Variants in UCMA observed in about 807,000 individuals in gnomAD.
UCMA encodes the protein upper zone of growth plate and cartilage matrix associated.
UCMA carries 21 observed loss-of-function variants against 21.8 expected under a neutral mutation model. That is an observed-to-expected ratio of 0.97 (90% CI 0.68 to 1.39). The LOEUF is 1.39. Among genes scored for constraint, UCMA ranks in the 40% most tolerant of loss-of-function variants. The pLI is 0.00. For missense variants in UCMA, 193 were observed against 178.9 expected, an observed-to-expected ratio of 1.08 and a Z score of -0.45; for synonymous variants, 76 against 67.9, an observed-to-expected ratio of 1.12 and a Z score of -0.58.
chr10:13,231,647 T>A (rs1834900443), intron 3 of UCMA, among the ~76,000 whole-genome samples: 1 of 152,198 alleles, frequency 6.6e-6, no homozygotes, highest in Non-Finnish European at 1.5e-5. Flanking sequence ...GTGTCACAAA[T>A]TAGAGCTTTG....
chr10:13,233,424 G>A, intron 3 of UCMA, 114 bp downstream of exon 3: 1 of 794,594 alleles, frequency 1.3e-6, no homozygotes, highest in South Asian at 1.6e-5. Context: ...CCTGGGGTGA[G>A]CCCTTCGTGC....
intron 4 of UCMA, 96 bp downstream of exon 4, chr10:13,229,515 A>C: frequency 1.0e-6 from 1 of 977,236 alleles, no homozygotes; most frequent in East Asian, 2.7e-5. Flanking sequence ...CAAAAAAAGA[A>C]AAAAAAAAAA....
Position 13,222,101 on chromosome 10 carries a change from G to C in UCMA, c.*2C>G. ...GTCTTCTTGGCCGGCTTCAGGATGG[G>C]ATCAGGTGTGGTGGCGGTTGTAGAG... is the stretch of plus-strand genomic sequence containing the variant. On this transcript the variant is annotated 3_prime_UTR_variant, in exon 5 of 5. Transcript: ENST00000378681. The C allele has an allele frequency of 6.2e-7, 1 of 1,614,156 alleles. No homozygotes were observed. The highest frequency in any genetic ancestry group is 8.5e-7 in the Non-Finnish European group (1 of 1,179,998).
chr10:13,232,563 AG>A (rs1048325199), intron 3 of UCMA, among the ~76,000 whole-genome samples: 4 of 152,044 alleles, frequency 2.6e-5, no homozygotes, highest in Non-Finnish European at 4.4e-5. Flanking sequence ...TGAGGCCTGG[AG>A]GTTTTCCTAG....
intron 4 of UCMA, among the ~76,000 whole-genome samples, chr10:13,227,732 A>G (rs1255459395): frequency 1.6e-5 from 2 of 121,826 alleles, no homozygotes; most frequent in Admixed American, 1.9e-4. Context: ...AAAAAAAAAA[A>G]GGAAAGGAAA....
chr10:13,222,916 G>C (rs907074988), intron 4 of UCMA, among the ~76,000 whole-genome samples: 40 of 151,846 alleles, frequency 2.6e-4, no homozygotes, highest in African/African-American at 9.2e-4. Context: ...CAATCCTCCT[G>C]TCTCAGCCTC....
rs560123884 is a variant in UCMA, at chr10:13,223,876, A to C, written c.320-1676T>G. 5.3e-4 allele frequency among the ~76,000 whole-genome samples: 26 copies of C among 49,474 alleles called. No homozygotes were observed. In the South Asian group the frequency reaches 0.016, roughly 31 times the overall value. 32.5% of individuals were successfully genotyped at this position (49,474 alleles called of 152,430 possible). ...CTAGAATGGGCAAATTTACAGAGAC[A>C]AAAAAAAAAAGAGGTTGCCAGAGGC... is the stretch of plus-strand genomic sequence containing the variant. On this transcript the variant is annotated intron_variant, in intron 4 of 4. Coordinates refer to ENST00000378681, the MANE Select transcript of UCMA (RefSeq NM_145314.3).
At position 13,233,838 on chromosome 10, in the gene UCMA, G is replaced by C. The variant is rs778074733; in HGVS notation, c.59-38C>G. ...GGCACAGAGTGAGGCTGCAGCATCA[G>C]AGGGGAGCCCAGACCCTGAGCTGAG... On this transcript the variant is annotated intron_variant, in intron 1 of 4. Transcript: ENST00000378681. 1.9e-6 allele frequency: 3 copies of C among 1,612,000 alleles called. 1 individual carries two copies. The South Asian group carries it at 3.3e-5, about 18-fold the overall frequency.
chr10:13,230,831 C>T (rs553826504), intron 3 of UCMA, among the ~76,000 whole-genome samples: 10 of 152,252 alleles, frequency 6.6e-5, no homozygotes, highest in East Asian at 1.9e-4. Flanking sequence ...CCGAGGCGGG[C>T]GGATCACTTG....
At chr10:13,233,298 G>A (rs1441743735) in intron 3 of UCMA, among the ~76,000 whole-genome samples, 3 of 152,234 alleles carry the variant, frequency 2.0e-5, no homozygotes, top group African/African-American at 7.2e-5. Flanking sequence ...CTGTCTCCAA[G>A]TCATCTTTGC....
In UCMA at chr10:13,233,519, G is replaced by A. The variant is rs771332749; in HGVS notation, c.220+19C>T. On this transcript the variant is annotated intron_variant, in intron 3 of 4. Transcript: ENST00000378681. ...GAGGTGGTGATGGACGCGGGATGGG[G>A]TCCCTCCAGCATCCTTACCATTGAC... 1.9e-6 allele frequency: 3 copies of A among 1,605,848 alleles called. No homozygotes were observed. Among genetic ancestry groups the A allele is most frequent in the Admixed American group, 1.7e-5 (1 of 59,832 alleles).
chr10:13,229,768 C>T, intron 3 of UCMA, 59 bp from the exon 4 acceptor site: 1 of 1,420,132 alleles, frequency 7.0e-7, no homozygotes, highest in Non-Finnish European at 9.9e-7. Context: ...TAGGGGCACA[C>T]ACTTAGGGGA....
At chr10:13,234,101 A>G (rs1232864815) in intron 1 of UCMA, 100 bp downstream of exon 1, 4 of 1,129,874 alleles carry the variant, frequency 3.5e-6, no homozygotes, top group African/African-American at 1.6e-5. Flanking sequence ...CAATAAGCAT[A>G]CTCCTTTCTA....
At chr10:13,233,677 G>A (rs756486589) in intron 2 of UCMA, 44 bp from the exon 3 acceptor site, 4 of 1,613,626 alleles carry the variant, frequency 2.5e-6, no homozygotes, top group African/African-American at 2.7e-5. Flanking sequence ...TGGGGGTGCT[G>A]GGGCTGCTGC....
chr10:13,223,170 G>A (rs1834779805), intron 4 of UCMA, among the ~76,000 whole-genome samples: 1 of 150,018 alleles, frequency 6.7e-6, no homozygotes, highest in South Asian at 2.1e-4. Flanking sequence ...AGGATGCAGT[G>A]AGCTGAGATC....
At chr10:13,231,154 A>G (rs1007884643) in intron 3 of UCMA, among the ~76,000 whole-genome samples, 2 of 152,190 alleles carry the variant, frequency 1.3e-5, no homozygotes, top group Non-Finnish European at 2.9e-5. Flanking sequence ...TTACTTTTCT[A>G]TTACTTAACT....
chr10:13,225,227 A>T (rs759669326), intron 4 of UCMA, among the ~76,000 whole-genome samples: 3 of 152,032 alleles, frequency 2.0e-5, no homozygotes, highest in Non-Finnish European at 4.4e-5. Context: ...CTAATTTTTA[A>T]TAGAGACAAG....
At position 13,227,316 on chromosome 10, in the gene UCMA, C is replaced by T. The variant is rs1834834972; in HGVS notation, c.319+2295G>A. ...AAATGAAAGAGCTGACTCTCTCCCACAAAGGCGACCTAAACTGGGGCCTCA... is the reference window on the plus strand; with the variant it reads ...AAATGAAAGAGCTGACTCTCTCCCATAAAGGCGACCTAAACTGGGGCCTCA... On this transcript the variant is annotated intron_variant, in intron 4 of 4. Coordinates refer to ENST00000378681, the MANE Select transcript of UCMA (RefSeq NM_145314.3). Among the ~76,000 whole-genome samples the T allele has an allele frequency of 2.6e-5, 4 of 152,236 alleles. No homozygotes were observed. In the South Asian group the frequency reaches 6.2e-4, roughly 24 times the overall value.
At chr10:13,233,257 G>A (rs1044157769) in intron 3 of UCMA, among the ~76,000 whole-genome samples, 2 of 152,210 alleles carry the variant, frequency 1.3e-5, no homozygotes, top group African/African-American at 4.8e-5. Flanking sequence ...GTTTAATGTA[G>A]CATCATGGCC....
Sources: allele counts gnomAD v4.1 joint callset (sites outside exome capture counted in the v4.1 genomes callset), GRCh38; gene constraint gnomAD v4.1.1; transcripts MANE v1.5; gene names NCBI Gene and HGNC (gene_info 2026-07-23, HGNC 2026-07-21).